The following SPAG6 variants were observed in gnomAD, a reference collection of about 807,000 sequenced individuals.
SPAG6 encodes sperm-associated antigen 6.
SPAG6 carries 49 observed loss-of-function variants against 58.5 expected under a neutral mutation model. The observed-to-expected ratio is 0.84, with a 90% CI of 0.67 to 1.06. The LOEUF (loss-of-function observed/expected upper bound fraction) is 1.06. Among genes scored for constraint, SPAG6 ranks in the 50% least tolerant of loss-of-function variants. SPAG6 has a pLI of 0.00. For synonymous variants in SPAG6, 233 were observed against 225.6 expected (o/e 1.03, Z -0.29); for missense variants, 560 against 611.3 (o/e 0.92, Z 0.89).
At chr10:22,352,412 A>G (rs1836754547) in intron 2 of SPAG6, among the ~76,000 whole-genome samples, 1 of 152,246 alleles carries the variant, frequency 6.6e-6, no homozygotes, top group Non-Finnish European at 1.5e-5. Context: ...TTACTTAAAA[A>G]AAATAGATGC....
At chr10:22,348,907 A>G (rs1278756915) in intron 2 of SPAG6, among the ~76,000 whole-genome samples, 3 of 152,176 alleles carry the variant, frequency 2.0e-5, no homozygotes, top group Non-Finnish European at 4.4e-5. Context: ...ATCTCAGCTC[A>G]ATGCAACCTC....
At chr10:22,352,407 T>TA (rs963761935) in intron 2 of SPAG6, among the ~76,000 whole-genome samples, 78 of 152,128 alleles carry the variant, frequency 5.1e-4, no homozygotes, top group Middle Eastern at 3.4e-3. Context: ...AGGGATTACT[T>TA]AAAAAAAATA....
intron 2 of SPAG6, among the ~76,000 whole-genome samples, chr10:22,348,002 C>CTTTTTTT (rs1564357972): frequency 6.6e-6 from 1 of 151,756 alleles, no homozygotes; most frequent in African/African-American, 2.4e-5. Flanking sequence ...ACTTTTCTTT[C>CTTTTTTT]TTTCTTTGAG....
At chr10:22,375,263 A>G (rs1056127602) in intron 4 of SPAG6, among the ~76,000 whole-genome samples, 5 of 152,234 alleles carry the variant, frequency 3.3e-5, no homozygotes, top group African/African-American at 7.2e-5. Flanking sequence ...GAAATACATG[A>G]AGCAAAATAT....
At chr10:22,366,701 G>A (rs1837211656) in intron 3 of SPAG6, among the ~76,000 whole-genome samples, 1 of 152,090 alleles carries the variant, frequency 6.6e-6, no homozygotes, top group African/African-American at 2.4e-5. Flanking sequence ...TTTTCTTGTG[G>A]ATATTCCTTC....
chr10:22,413,217 A>G (rs1236727349), intron 10 of SPAG6: 5 of 151,822 alleles, frequency 3.3e-5, no homozygotes, highest in Non-Finnish European at 5.9e-5. Flanking sequence ...AGGAAAAACT[A>G]CAAACTGCAT....
intron 4 of SPAG6, among the ~76,000 whole-genome samples, chr10:22,379,620 T>G (rs563609196): frequency 4.6e-5 from 7 of 152,344 alleles, no homozygotes; most frequent in African/African-American, 1.7e-4. Flanking sequence ...ACTTCTTGAT[T>G]GTAGCCTAGT....
chr10:22,377,738 C>T (rs1312391232), intron 4 of SPAG6, among the ~76,000 whole-genome samples: 1 of 152,134 alleles, frequency 6.6e-6, no homozygotes, highest in Non-Finnish European at 1.5e-5. Context: ...TACATATTAC[C>T]CTCCCAATGT....
intron 4 of SPAG6, among the ~76,000 whole-genome samples, chr10:22,369,421 T>G (rs958270666): frequency 2.6e-5 from 4 of 152,228 alleles, no homozygotes; most frequent in African/African-American, 9.6e-5. Flanking sequence ...TAAACATATG[T>G]AAAAATGATC....
intron 2 of SPAG6, among the ~76,000 whole-genome samples, chr10:22,349,020 G>GT (rs1233315074): frequency 6.6e-6 from 1 of 151,746 alleles, no homozygotes; most frequent in African/African-American, 2.4e-5. Context: ...GTTTTGTTTT[G>GT]TTTTTTTAAT....
chr10:22,393,381 C>A (rs139464092), intron 8 of SPAG6, among the ~76,000 whole-genome samples: 175 of 152,206 alleles, frequency 1.1e-3, no homozygotes, highest in African/African-American at 4.1e-3. Context: ...GCTTGAGAAG[C>A]CCTTGCAAAT....
At chr10:22,365,499 T>C in intron 3 of SPAG6, among the ~76,000 whole-genome samples, 1 of 152,214 alleles carries the variant, frequency 6.6e-6, no homozygotes. Context: ...GTTATAGGCA[T>C]GCCAACTCTG....
intron 7 of SPAG6, among the ~76,000 whole-genome samples, chr10:22,390,861 A>G (rs1056798046): frequency 1.1e-4 from 16 of 152,220 alleles, no homozygotes; most frequent in African/African-American, 3.6e-4. Flanking sequence ...AGCAAAGAAT[A>G]AAAGTATATA....
At chr10:22,381,567 G>A (rs796795050) in intron 4 of SPAG6, among the ~76,000 whole-genome samples, 6 of 147,976 alleles carry the variant, frequency 4.1e-5, no homozygotes, top group East Asian at 2.0e-4. Context: ...TTACTTTCCC[G>A]GGCCCTGTGG....
intron 9 of SPAG6, among the ~76,000 whole-genome samples, chr10:22,409,108 T>C (rs988392978): frequency 1.3e-5 from 2 of 152,220 alleles, no homozygotes; most frequent in African/African-American, 4.8e-5. Context: ...CGCTGGGAGC[T>C]GTAGACCGGA....
At position 22,408,208 on chromosome 10, in the gene SPAG6, G is replaced by C. The variant is rs959634743; in HGVS notation, c.1315-2823G>C. Among the ~76,000 whole-genome samples the C allele has an allele frequency of 9.9e-5, 14 of 141,136 alleles. 1 individual carries two copies. The highest frequency in any genetic ancestry group is 9.7e-4 in the Admixed American group (14 of 14,438). 92.6% of individuals were successfully genotyped at this position (141,136 alleles called of 152,430 possible). On this transcript the variant is annotated intron_variant, in intron 9 of 10. Coordinates refer to ENST00000376624, the MANE Select transcript of SPAG6 (RefSeq NM_012443.4). ...AACTGCATTCCTTTGGAGGAGAGGC[G>C]CTCTGCTTTTTAGAGTTTCCAGTTT...
chr10:22,351,111 G>A lies in SPAG6; in HGVS notation c.121+5293G>A, dbSNP rs566935307. 9.0e-4 allele frequency among the ~76,000 whole-genome samples: 137 copies of A among 152,280 alleles called. No homozygotes were observed. In the South Asian group the frequency reaches 0.01, roughly 12 times the overall value. ...ACAAGTCCTGTCTTTAGGTATTTGA[G>A]TACCAATGGCTGTCCAATAACTGGA... On this transcript the variant is annotated intron_variant, in intron 2 of 10. Transcript: ENST00000376624.
At position 22,386,761 on chromosome 10, in the gene SPAG6, A is replaced by G; in HGVS notation, c.480A>G (p.Ser160=). The part of the protein sequence containing the change: ...RYIARHNAEL[S]QAVVDAGAVP... ...CTTTTCTTGGACCCACAGAACTGTC[A>G]CAAGCTGTGGTGGATGCAGGAGCTG... Residue 160 remains serine, a synonymous_variant, in exon 5 of 11, where the codon TCA becomes TCG. Coordinates refer to ENST00000376624, the MANE Select transcript of SPAG6 (RefSeq NM_012443.4). 1 of 1,613,226 alleles carries G rather than the reference A, an allele frequency of 6.2e-7. No homozygotes were observed. Among genetic ancestry groups the G allele is most frequent in the Non-Finnish European group, 8.5e-7 (1 of 1,179,262 alleles).
rs143832109 is a variant in SPAG6 at position 22,362,586 on chromosome 10, T to A, written c.122-2267T>A. Among the ~76,000 whole-genome samples, 728 of 151,432 alleles carry A rather than the reference T, an allele frequency of 4.8e-3. 10 individuals are homozygous for A. The highest frequency in any genetic ancestry group is 0.017 in the African/African-American group (691 of 41,266). On this transcript the variant is annotated intron_variant, in intron 2 of 10. Coordinates refer to ENST00000376624, the MANE Select transcript of SPAG6 (RefSeq NM_012443.4). ...TGAGACCCCCATCTCTACAAAAAAA[T>A]GAAAAAAATTAGTCAGGTGCAGTGA...
Sources: gnomAD v4.1 joint callset for allele counts (sites outside exome capture counted in the v4.1 genomes callset) on GRCh38, gnomAD v4.1.1 for gene constraint, MANE v1.5 for transcripts, NCBI Gene and HGNC (gene_info 2026-07-23, HGNC 2026-07-21) for gene names.